The following ANO7 variants were observed in gnomAD, a reference collection of about 807,000 sequenced individuals.
The protein encoded by ANO7 is anoctamin-7.
Under a neutral mutation model 115.8 loss-of-function variants are expected in ANO7, and 114 were observed. That is an observed-to-expected ratio of 0.98 (90% CI 0.85 to 1.15). The LOEUF is 1.15. ANO7 is among the 50% of genes most tolerant of loss of function. The probability of loss-of-function intolerance (pLI) is 0.00; values close to 1 mark genes in which losing one functional copy is unlikely to be tolerated. For synonymous variants in ANO7, 550 were observed against 498.2 expected, an observed-to-expected ratio of 1.10 and a Z score of -1.38; for missense variants, 1,302 against 1,201.2, an observed-to-expected ratio of 1.08 and a Z score of -1.24.
chr2:241,201,731 G>A (rs574334635), intron 7 of ANO7, among the ~76,000 whole-genome samples: 35 of 152,348 alleles, frequency 2.3e-4, no homozygotes, highest in South Asian at 8.3e-4. Context: ...CAAGGCACCC[G>A]GCAGGAGGCC....
chr2:241,193,003 A>G (rs957013227), intron 3 of ANO7, among the ~76,000 whole-genome samples: 1 of 151,580 alleles, frequency 6.6e-6, no homozygotes, highest in Non-Finnish European at 1.5e-5. Flanking sequence ...CAATGTCCTT[A>G]GTACCAATGA....
chr2:241,201,383 C>A (rs1412502001), intron 7 of ANO7, 28 bp downstream of exon 7: 2 of 1,606,768 alleles, frequency 1.2e-6, no homozygotes, highest in East Asian at 4.5e-5. Flanking sequence ...GCCGCGGGCC[C>A]CAAACCCTGA....
Position 241,223,923 on chromosome 2 carries a change from G to C in ANO7, c.2551G>C (p.Gly851Arg), listed in dbSNP as rs764025009. Reference sequence around the variant, plus strand: ...GGGACAGGTTCTTTTTGGAACGAACGGAACAAAGGATGAGCAGCCCGAGGG... The same window carrying C: ...GGGACAGGTTCTTTTTGGAACGAACCGAACAAAGGATGAGCAGCCCGAGGG... ...AENEVLFGTN[G>R]TKDEQPEGSE... Residue 851 changes from glycine (G) to arginine (R), a missense_variant, in exon 24 of 25, where the codon GGA becomes CGA. Physicochemically the swap from Gly to Arg is moderately radical, Grantham distance 125. Coordinates refer to ENST00000674324, the MANE Select transcript of ANO7 (RefSeq NM_001370694.2). The C allele has an allele frequency of 6.2e-6, 10 of 1,612,996 alleles. No individual in the cohort carries two copies. The South Asian group carries it at 1.1e-4, about 18-fold the overall frequency.
At chr2:241,231,187 C>T in the ANO7 span, 2 of 430,634 alleles carry the variant, frequency 4.6e-6, 1 homozygote, top group South Asian at 5.6e-5. Context: ...GAATTCGTGA[C>T]CAGCCTGACC....
Position 241,214,857 on chromosome 2 carries a change from T to C in ANO7, c.1781T>C (p.Met594Thr), listed in dbSNP as rs2068790423. ...IELAQELLVI[M>T]VGKQVINNMQ... ...CTGGCACAGGAGCTCCTGGTCATCATGGTGGGCAAGCAGGTCATCAACAAC... is the reference window on the plus strand; with the variant it reads ...CTGGCACAGGAGCTCCTGGTCATCACGGTGGGCAAGCAGGTCATCAACAAC... Residue 594 changes from methionine (M) to threonine (T), a missense_variant, in exon 18 of 25, where the codon ATG becomes ACG. Transcript: ENST00000674324. 1.2e-6 allele frequency: 2 copies of C among 1,612,844 alleles called. No individual in the cohort carries two copies. The highest frequency in any genetic ancestry group is 1.7e-6 in the Non-Finnish European group (2 of 1,179,908).
intron 3 of ANO7, among the ~76,000 whole-genome samples, chr2:241,191,753 C>T (rs2068210150): frequency 6.6e-6 from 1 of 150,416 alleles, no homozygotes; most frequent in African/African-American, 2.4e-5. Context: ...CCCTAACCTC[C>T]TCCCACTAGG....
In ANO7 at chr2:241,200,438, C is replaced by A. The variant is rs76538371; in HGVS notation, c.554+213C>A. On this transcript the variant is annotated intron_variant, in intron 6 of 24. Transcript: ENST00000674324. ...GGCGGTTGTGCTGCAGGACAGATAA[C>A]CCCCCCAAGGCCCAGTGGCTGGACA... Among the ~76,000 whole-genome samples, 45,926 of 152,136 alleles carry A rather than the reference C, an allele frequency of 0.3. 8,442 individuals are homozygous for A. The highest frequency in any genetic ancestry group is 0.46 in the Middle Eastern group (136 of 294).
chr2:241,220,028 C>T (rs2068972679), intron 21 of ANO7, among the ~76,000 whole-genome samples: 1 of 152,192 alleles, frequency 6.6e-6, no homozygotes. Context: ...TTTAGTTTTA[C>T]TGTTAAAAAC....
chr2:241,219,817 A>G (rs887172023), intron 21 of ANO7, among the ~76,000 whole-genome samples: 7 of 151,232 alleles, frequency 4.6e-5, no homozygotes, highest in Non-Finnish European at 7.4e-5. Flanking sequence ...GGCCTCAAGC[A>G]ATGCCCTGGC....
Position 241,209,385 on chromosome 2 carries a change from C to T in ANO7, c.1178C>T (p.Thr393Met), listed in dbSNP as rs375996958. The T allele has an allele frequency of 4.5e-5, 71 of 1,582,574 alleles. No individual in the cohort carries two copies. Among genetic ancestry groups the T allele is most frequent in the African/African-American group, 1.5e-4 (11 of 74,256 alleles). The change falls in exon 12 of 25, where the codon ACG becomes ATG. Residue 393 changes from threonine to methionine, a missense_variant. By Grantham distance (81) the Thr-to-Met change is moderately conservative. Coordinates refer to ENST00000674324, the MANE Select transcript of ANO7 (RefSeq NM_001370694.2). ...LLEYWKRKSATLAYRWDCSDY... is the reference protein window; with the variant it reads ...LLEYWKRKSAMLAYRWDCSDY... ...GAGTACTGGAAGCGGAAGAGCGCCA[C>T]GCTGGCCTACCGCTGGGACTGCTCT...
At chr2:241,233,800 G>T in the ANO7 span, 16 of 1,613,800 alleles carry the variant, frequency 9.9e-6, no homozygotes, top group Non-Finnish European at 1.4e-5. This position sits in a 1 kb window ranked among gnomAD's most constrained non-coding sequence, Gnocchi z 4.3. Context: ...CCCCCGACAC[G>T]CTCCAACCGA....
intron 3 of ANO7, among the ~76,000 whole-genome samples, chr2:241,192,497 C>A (rs1000631646): frequency 2.0e-5 from 3 of 152,172 alleles, no homozygotes; most frequent in African/African-American, 7.2e-5. Flanking sequence ...CCCCCGGGGT[C>A]TCTTCCTCCT....
At chr2:241,230,365 C>T, downstream of ANO7, 1 of 817,110 alleles carries the variant, frequency 1.2e-6, no homozygotes, top group Non-Finnish European at 2.0e-6. This position sits in a 1 kb window ranked among gnomAD's most constrained non-coding sequence, Gnocchi z 5.0. Context: ...TCTGAGTTAG[C>T]AAACGTTTTA....
In ANO7 at chr2:241,219,003, TTC is replaced by T. The variant is rs142565114; in HGVS notation, c.2321+624_2321+625del. On this transcript the variant is annotated intron_variant, in intron 21 of 24. Transcript: ENST00000674324. ...CGCCAAGGTCATCTAGCTATTTATCTTCTGTTTCTTTCCAGCTTTTTGCTTTC... is the reference window on the plus strand; with the variant it reads ...CGCCAAGGTCATCTAGCTATTTATCTTGTTTCTTTCCAGCTTTTTGCTTTC... 8.0e-3 allele frequency among the ~76,000 whole-genome samples: 1,224 copies of T among 152,330 alleles called. 24 individuals are homozygous for T. Among genetic ancestry groups the T allele is most frequent in the Non-Finnish European group, 6.2e-3 (425 of 68,040 alleles).
the ANO7 span, chr2:241,236,583 CG>C: frequency 1.1e-5 from 18 of 1,607,568 alleles, no homozygotes; most frequent in African/African-American, 2.3e-4. Flanking sequence ...TGGGCCTTGG[CG>C]GGGGGTGGAG....
chr2:241,213,168 G>A (rs1307585855), intron 17 of ANO7, among the ~76,000 whole-genome samples: 1 of 151,706 alleles, frequency 6.6e-6, no homozygotes, highest in Non-Finnish European at 1.5e-5. Context: ...CCTCCTCATG[G>A]CACACAGGCC....
chr2:241,192,635 A>G (rs1176460623), intron 3 of ANO7, among the ~76,000 whole-genome samples: 1 of 152,224 alleles, frequency 6.6e-6, no homozygotes, highest in Non-Finnish European at 1.5e-5. Flanking sequence ...CAAATTTTGG[A>G]GAAACTTAGT....
At chr2:241,237,134 A>G in the ANO7 span, among the ~76,000 whole-genome samples, 112,286 of 152,152 alleles carry the variant, frequency 0.74, 42,593 homozygotes, top group East Asian at 0.95. Flanking sequence ...CACAGGGCAG[A>G]CCCACTGCAC....
Position 241,218,344 on chromosome 2 carries a change from C to A in ANO7, c.2284C>A (p.Pro762Thr). 1 of 1,489,748 alleles carries A rather than the reference C, an allele frequency of 6.7e-7. No homozygotes were observed. Among genetic ancestry groups the A allele is most frequent in the Non-Finnish European group, 8.9e-7 (1 of 1,124,828 alleles). The allele number at this position is 1,489,748 out of a possible 1,614,324, so 92.3% of individuals were successfully genotyped here. A position where few individuals can be genotyped will look rare whatever the true frequency, so the allele number is the denominator to read the frequency against. Reference sequence around the variant, plus strand: ...CCTCAACTTCACGCTGGCGCGAGCCCCGTCCTCCTTCGCCGCCGCGCACAA... The same window carrying A: ...CCTCAACTTCACGCTGGCGCGAGCCACGTCCTCCTTCGCCGCCGCGCACAA... ...GFLNFTLARAPSSFAAAHNRT... is the reference protein window; with the variant it reads ...GFLNFTLARATSSFAAAHNRT... The change falls in exon 21 of 25, where the codon CCG becomes ACG. Residue 762 changes from proline to threonine, a missense_variant. Coordinates refer to ENST00000674324, the MANE Select transcript of ANO7 (RefSeq NM_001370694.2).
Sources: allele counts gnomAD v4.1 joint callset (sites outside exome capture counted in the v4.1 genomes callset), GRCh38; gene constraint gnomAD v4.1.1; non-coding constraint Gnocchi (gnomAD v3.1); transcripts MANE v1.5; gene names NCBI Gene and HGNC (gene_info 2026-07-23, HGNC 2026-07-21).